The following ZNF30 variants were observed in gnomAD, a reference collection of about 807,000 sequenced individuals.
The protein encoded by ZNF30 is zinc finger protein 30 (KOX 28).
ZNF30 carries 15 observed loss-of-function variants against 13.2 expected under a neutral mutation model. The observed-to-expected ratio is 1.13, with a 90% CI of 0.76 to 1.75. ZNF30 has a LOEUF of 1.75. ZNF30 is among the 40% of genes most tolerant of loss of function. ZNF30 has a pLI of 0.00. For synonymous variants in ZNF30, 223 were observed against 256.6 expected, an observed-to-expected ratio of 0.87 and a Z score of 1.25; for missense variants, 726 against 757.0, an observed-to-expected ratio of 0.96 and a Z score of 0.48.
chr19:34,943,548 T>A lies in ZNF30; in HGVS notation c.582T>A (p.His194Gln). The A allele has an allele frequency of 1.9e-6, 3 of 1,613,690 alleles. No homozygotes were observed. Among genetic ancestry groups the A allele is most frequent in the Non-Finnish European group, 2.5e-6 (3 of 1,179,808 alleles). The change falls in exon 5 of 5, where the codon CAT (histidine) becomes CAA (glutamine). Residue 194 changes from histidine to glutamine, a missense_variant. Coordinates refer to ENST00000601142, the MANE Select transcript of ZNF30 (RefSeq NM_194325.3). ...AFISGSAFVK[H>Q]GRIHTGEKPL... ...TCAGTGGCTCAGCCTTTGTTAAGCA[T>A]GGGAGAATTCACACTGGTGAGAAGC...
chr19:34,925,987 G>A (rs2151659350), upstream of ZNF30, among the ~76,000 whole-genome samples: 1 of 152,224 alleles, frequency 6.6e-6, no homozygotes, highest in Admixed American at 6.5e-5. Flanking sequence ...GCCTGGGCAA[G>A]ATGGCAAAAC....
chr19:34,924,602 A>G (rs1322682998), upstream of ZNF30, among the ~76,000 whole-genome samples: 1 of 152,218 alleles, frequency 6.6e-6, no homozygotes, highest in East Asian at 1.9e-4. Flanking sequence ...TTCCTCCAGG[A>G]CAGAAGTGAT....
intron 1 of ZNF30, among the ~76,000 whole-genome samples, chr19:34,929,276 G>A (rs2012306427): frequency 6.6e-6 from 1 of 152,192 alleles, no homozygotes; most frequent in African/African-American, 2.4e-5. Flanking sequence ...GACAGGGCGA[G>A]ACTCCGTCTC....
Position 34,943,548 on chromosome 19 carries a change from T to C in ZNF30, c.582T>C (p.His194=). Residue 194 remains histidine, a synonymous_variant, in exon 5 of 5, where the codon CAT becomes CAC. Transcript: ENST00000601142. The part of the protein sequence containing the change: ...AFISGSAFVK[H]GRIHTGEKPL... ...TCAGTGGCTCAGCCTTTGTTAAGCA[T>C]GGGAGAATTCACACTGGTGAGAAGC... 1 of 1,613,690 alleles carries C rather than the reference T, an allele frequency of 6.2e-7. No individual in the cohort carries two copies. Among genetic ancestry groups the C allele is most frequent in the Non-Finnish European group, 8.5e-7 (1 of 1,179,808 alleles).
At chr19:34,942,728 T>A (rs1054560006) in intron 4 of ZNF30, 24 of 834,668 alleles carry the variant, frequency 2.9e-5, no homozygotes, top group Non-Finnish European at 3.5e-6. Flanking sequence ...TAGGTCAGTA[T>A]GGGACAGAGG....
chr19:34,932,104 G>T (rs2012483732), intron 3 of ZNF30, 111 bp downstream of exon 3: 3 of 1,029,310 alleles, frequency 2.9e-6, no homozygotes, highest in East Asian at 3.1e-5. Flanking sequence ...TGTTGCCAGA[G>T]AAATGATTTG....
chr19:34,944,750 C>T lies in ZNF30; in HGVS notation c.1784C>T (p.Pro595Leu), dbSNP rs186126754. 2 of 1,613,744 alleles carry T rather than the reference C, an allele frequency of 1.2e-6. No individual in the cohort carries two copies. The highest frequency in any genetic ancestry group is 1.1e-5 in the South Asian group (1 of 91,018). Residue 595 changes from proline (P) to leucine (L), a missense_variant, in exon 5 of 5, where the codon CCC (proline) becomes CTC (leucine). By Grantham distance (98) the Pro-to-Leu change is moderately conservative (BLOSUM62 -3). Transcript: ENST00000601142. Reference sequence around the variant, plus strand: ...CAGCGGGTACACACTGGTGAGAAACCCTTTAAATGCAAAAAATGTGGGAAG... The same window carrying T: ...CAGCGGGTACACACTGGTGAGAAACTCTTTAAATGCAAAAAATGTGGGAAG... ...EHQRVHTGEK[P>L]FKCKKCGKTF...
intron 4 of ZNF30, among the ~76,000 whole-genome samples, chr19:34,939,430 G>A (rs749882045): frequency 6.7e-6 from 1 of 148,986 alleles, no homozygotes; most frequent in East Asian, 2.0e-4. Context: ...CACCCGCTTC[G>A]GCCTCCCAAA....
chr19:34,940,545 G>A (rs965816594), intron 4 of ZNF30, among the ~76,000 whole-genome samples: 7 of 151,580 alleles, frequency 4.6e-5, no homozygotes, highest in African/African-American at 9.7e-5. Flanking sequence ...GTGCACATCT[G>A]TAATCCCAGC....
chr19:34,929,142 G>A (rs564266112), intron 1 of ZNF30, among the ~76,000 whole-genome samples: 1 of 152,268 alleles, frequency 6.6e-6, no homozygotes, highest in South Asian at 2.1e-4. Flanking sequence ...TTAGCTGGGC[G>A]TGACTATGCG....
chr19:34,935,304 T>C (rs2151668676), intron 4 of ZNF30, among the ~76,000 whole-genome samples: 2 of 152,338 alleles, frequency 1.3e-5, no homozygotes, highest in African/African-American at 4.8e-5. Context: ...AAAGTTGTAC[T>C]AAGAATTTTC....
chr19:34,937,926 G>A (rs1358362824), intron 4 of ZNF30, among the ~76,000 whole-genome samples: 1 of 152,074 alleles, frequency 6.6e-6, no homozygotes, highest in Non-Finnish European at 1.5e-5. Flanking sequence ...CTCTTGAGTA[G>A]CTGGGACTAC....
rs745438372 is a variant in ZNF30, at chr19:34,943,459, A to G, written c.493A>G (p.Ile165Val). 5 of 1,613,868 alleles carry G rather than the reference A, an allele frequency of 3.1e-6. No homozygotes were observed. Among genetic ancestry groups the G allele is most frequent in the African/African-American group, 1.3e-5 (1 of 74,940 alleles). Residue 165 changes from isoleucine to valine, a missense_variant, in exon 5 of 5, where the codon ATA becomes GTA. Transcript: ENST00000601142. ...CTTTAGTAATGGACATCAACTCACC[A>G]TACATCAGAGATTGCATGTTGGTGA... ...KNFSNGHQLTIHQRLHVGEKP... is the reference protein window; with the variant it reads ...KNFSNGHQLTVHQRLHVGEKP...
At chr19:34,931,099 A>C (rs2012428771) in intron 2 of ZNF30, among the ~76,000 whole-genome samples, 2 of 143,928 alleles carry the variant, frequency 1.4e-5, no homozygotes, top group African/African-American at 5.2e-5. Flanking sequence ...GTACAGTGGC[A>C]CAATTTTGAC....
chr19:34,937,741 TA>T (rs1223503028), intron 4 of ZNF30, among the ~76,000 whole-genome samples: 1 of 149,748 alleles, frequency 6.7e-6, no homozygotes, highest in Non-Finnish European at 1.5e-5. Context: ...AAAAAAAAAA[TA>T]GAAGAATGAT....
chr19:34,929,667 G>A (rs937411623), intron 1 of ZNF30, among the ~76,000 whole-genome samples: 2 of 152,216 alleles, frequency 1.3e-5, no homozygotes, highest in South Asian at 4.1e-4. Context: ...TGGTGGGAAA[G>A]CTTGTGTCTG....
chr19:34,943,691 T>C lies in ZNF30; in HGVS notation c.725T>C (p.Leu242Pro), dbSNP rs1446696782. 3 of 1,613,240 alleles carry C rather than the reference T, an allele frequency of 1.9e-6. No homozygotes were observed. Among genetic ancestry groups the C allele is most frequent in the African/African-American group, 2.7e-5 (2 of 74,912 alleles). ...TGCGGGGAATGTGGGAAAGCTTTTC[T>C]AGTATATGGAAAGCTTACCCGGCAT... ...YECGECGKAFLVYGKLTRHQS... is the reference protein window; with the variant it reads ...YECGECGKAFPVYGKLTRHQS... The change falls in exon 5 of 5, where the codon CTA (leucine) becomes CCA (proline). Residue 242 changes from leucine to proline, a missense_variant. Coordinates refer to ENST00000601142, the MANE Select transcript of ZNF30 (RefSeq NM_194325.3).
chr19:34,932,787 T>G (rs1396480116), intron 3 of ZNF30, among the ~76,000 whole-genome samples: 1 of 151,312 alleles, frequency 6.6e-6, no homozygotes, highest in Non-Finnish European at 1.5e-5. Flanking sequence ...CTTTCTTTTT[T>G]TTTTTTTTTT....
At chr19:34,941,145 C>T (rs547680639) in intron 4 of ZNF30, among the ~76,000 whole-genome samples, 46 of 152,262 alleles carry the variant, frequency 3.0e-4, no homozygotes, top group Non-Finnish European at 4.4e-4. Context: ...GATCTGTTAT[C>T]GGGATTACAA....
Sources: gnomAD v4.1 joint callset for allele counts (sites outside exome capture counted in the v4.1 genomes callset) on GRCh38, gnomAD v4.1.1 for gene constraint, MANE v1.5 for transcripts, NCBI Gene and HGNC (gene_info 2026-07-23, HGNC 2026-07-21) for gene names.